The following DLG2 variants were observed in gnomAD, a reference collection of about 807,000 sequenced individuals.
DLG2 encodes the protein discs large MAGUK scaffold protein 2, also known as disks large homolog 2.
DLG2 carries 45 observed loss-of-function variants against 132.5 expected under a neutral mutation model. The ratio of observed to expected loss-of-function variants is 0.34; its 90% CI spans 0.27 to 0.44. The LOEUF is 0.44. Among genes scored for constraint, DLG2 ranks in the 20% least tolerant of loss-of-function variants. The probability of loss-of-function intolerance (pLI) is 1.00; values close to 1 mark genes in which losing one functional copy is unlikely to be tolerated. For missense variants in DLG2, 1,045 were observed against 1,196.9 expected (o/e 0.87, Z 1.87); for synonymous variants, 424 against 419.6 (o/e 1.01, Z -0.13).
chr11:84,502,206 CCTTCCTTCCTTCCTTCCT>C (rs1567803256), intron 7 of DLG2, among the ~76,000 whole-genome samples: 1,223 of 21,286 alleles, frequency 0.057, 352 homozygotes, highest in South Asian at 0.13. Context: ...CTCTCTCCTT[CCTTCCTTCCTTCCTTCCT>C]TCCTTCCTTC....
At position 83,921,774 on chromosome 11, in the gene DLG2, C is replaced by T. The variant is rs1428967191; in HGVS notation, c.1496+8554G>A. On this transcript the variant is annotated intron_variant, in intron 15 of 27. Coordinates refer to ENST00000376104, the MANE Select transcript of DLG2 (RefSeq NM_001142699.3). Reference sequence around the variant, plus strand: ...CTAAAGTAAATACAAAGATTGCTCCCAAAACACAAACAGACATACTAAAAC... The same window carrying T: ...CTAAAGTAAATACAAAGATTGCTCCTAAAACACAAACAGACATACTAAAAC... Among the ~76,000 whole-genome samples the T allele has an allele frequency of 3.3e-5, 5 of 152,094 alleles. No homozygotes were observed. In the East Asian group the frequency reaches 9.6e-4, roughly 29 times the overall value.
At chr11:84,328,815 C>T (rs994914059) in intron 7 of DLG2, among the ~76,000 whole-genome samples, 5 of 152,220 alleles carry the variant, frequency 3.3e-5, no homozygotes, top group African/African-American at 7.2e-5. Flanking sequence ...TTTATCCTAG[C>T]TGGCTGTGCT....
At chr11:84,663,832 G>T (rs760122701) in intron 6 of DLG2, among the ~76,000 whole-genome samples, 1 of 152,032 alleles carries the variant, frequency 6.6e-6, no homozygotes, top group Non-Finnish European at 1.5e-5. Flanking sequence ...ACTGGACGAC[G>T]ATCTTTTACT....
chr11:84,955,584 T>C (rs1435020979), intron 6 of DLG2: 1 of 152,210 alleles, frequency 6.6e-6, no homozygotes, highest in Non-Finnish European at 1.5e-5. Flanking sequence ...TATTAATATG[T>C]TTAATTTCAT....
intron 3 of DLG2, among the ~76,000 whole-genome samples, chr11:85,579,085 C>T (rs1306185628): frequency 6.6e-6 from 1 of 152,082 alleles, no homozygotes; most frequent in African/African-American, 2.4e-5. Context: ...TTTGCAGGAA[C>T]ATGGATGGAG....
intron 18 of DLG2, among the ~76,000 whole-genome samples, chr11:83,654,506 C>G (rs2071695924): frequency 6.6e-6 from 1 of 152,120 alleles, no homozygotes; most frequent in Admixed American, 6.6e-5. Context: ...GAACAATTAC[C>G]ATTTTCTCTT....
At chr11:84,165,364 G>A (rs953969228) in intron 8 of DLG2, among the ~76,000 whole-genome samples, 10 of 152,088 alleles carry the variant, frequency 6.6e-5, no homozygotes, top group Admixed American at 5.2e-4. Context: ...CAAAACCTAC[G>A]CTTAACATTT....
chr11:85,231,870 C>A (rs1186722700), intron 4 of DLG2, among the ~76,000 whole-genome samples: 1 of 151,926 alleles, frequency 6.6e-6, no homozygotes, highest in African/African-American at 2.4e-5. Context: ...CAGAACTGTG[C>A]AAACTCCAGA....
intron 6 of DLG2, among the ~76,000 whole-genome samples, chr11:84,838,173 T>C (rs1303820918): frequency 6.6e-6 from 1 of 151,932 alleles, no homozygotes; most frequent in Non-Finnish European, 1.5e-5. Flanking sequence ...ATTATGTACA[T>C]ATTAGAATAT....
intron 7 of DLG2, among the ~76,000 whole-genome samples, chr11:84,485,674 G>A (rs1016432148): frequency 6.6e-6 from 1 of 152,152 alleles, no homozygotes; most frequent in East Asian, 1.9e-4. Flanking sequence ...GGTTTTGTGA[G>A]AAGTAAATAC....
intron 4 of DLG2, among the ~76,000 whole-genome samples, chr11:85,169,754 C>A (rs892800615): frequency 6.6e-6 from 1 of 152,122 alleles, no homozygotes; most frequent in African/African-American, 2.4e-5. Flanking sequence ...GTATCCAAAG[C>A]AATTATGTTC....
chr11:85,463,625 G>C (rs1392780550), intron 3 of DLG2, among the ~76,000 whole-genome samples: 1 of 152,018 alleles, frequency 6.6e-6, no homozygotes, highest in Non-Finnish European at 1.5e-5. Context: ...TTTTAAATTA[G>C]GCAGGCATGG....
chr11:84,920,953 G>A (rs1369579714), intron 6 of DLG2, among the ~76,000 whole-genome samples: 1 of 151,938 alleles, frequency 6.6e-6, no homozygotes, highest in Non-Finnish European at 1.5e-5. Flanking sequence ...TTAAAGTTTT[G>A]GATAACTGTA....
At chr11:84,041,436 T>C (rs1404852645) in intron 11 of DLG2, among the ~76,000 whole-genome samples, 1 of 151,974 alleles carries the variant, frequency 6.6e-6, no homozygotes, top group Non-Finnish European at 1.5e-5. Flanking sequence ...GAGCCTCTTT[T>C]ACCACACCTC....
At chr11:85,261,408 C>A (rs1458103609) in intron 4 of DLG2, among the ~76,000 whole-genome samples, 1 of 151,834 alleles carries the variant, frequency 6.6e-6, no homozygotes, top group East Asian at 1.9e-4. Flanking sequence ...CCCCATAGAA[C>A]AACAATGACA....
intron 9 of DLG2, among the ~76,000 whole-genome samples, chr11:84,104,179 G>A (rs1023807748): frequency 1.5e-4 from 23 of 152,020 alleles, no homozygotes; most frequent in African/African-American, 5.6e-4. Context: ...AATTAACCCA[G>A]GTGACCATCA....
At chr11:84,205,891 A>G (rs560749677) in intron 8 of DLG2, among the ~76,000 whole-genome samples, 1 of 152,264 alleles carries the variant, frequency 6.6e-6, no homozygotes, top group East Asian at 1.9e-4. Flanking sequence ...GTCACCAAAT[A>G]CAAGGTAGTA....
chr11:84,754,640 G>A (rs777772130), intron 6 of DLG2, among the ~76,000 whole-genome samples: 11 of 152,198 alleles, frequency 7.2e-5, no homozygotes, highest in Non-Finnish European at 1.0e-4. Context: ...TGGGAGGCTG[G>A]AATTTGACTA....
intron 6 of DLG2, chr11:84,545,540 T>C (rs943476566): frequency 1.1e-4 from 45 of 391,882 alleles, no homozygotes; most frequent in African/African-American, 8.2e-4. Context: ...TCTCTTGCTT[T>C]GACAGGGATG....
Sources: gnomAD v4.1 joint callset for allele counts (sites outside exome capture counted in the v4.1 genomes callset) on GRCh38, gnomAD v4.1.1 for gene constraint, MANE v1.5 for transcripts, NCBI Gene and HGNC (gene_info 2026-07-23, HGNC 2026-07-21) for gene names.